GNAQ: variants seen among roughly 807,000 people sequenced by gnomAD.
GNAQ encodes guanine nucleotide-binding protein G(q) subunit alpha.
Under a neutral mutation model 43.9 loss-of-function variants are expected in GNAQ, and 8 were observed. The ratio of observed to expected loss-of-function variants is 0.18; its 90% CI spans 0.11 to 0.33. GNAQ has a LOEUF of 0.33. Among genes scored for constraint, GNAQ ranks in the 10% least tolerant of loss-of-function variants. The pLI is 1.00. For missense variants in GNAQ, 158 were observed against 450.8 expected (o/e 0.35, Z 5.88); for synonymous variants, 155 against 170.7 (o/e 0.91, Z 0.71).
intron 6 of GNAQ, among the ~76,000 whole-genome samples, chr9:77,725,879 A>G (rs190653281): frequency 6.6e-6 from 1 of 152,302 alleles, no homozygotes; most frequent in East Asian, 1.9e-4. Context: ...ACCATGCTCT[A>G]TCTGTTCTGC....
At position 77,720,524 on chromosome 9, in the gene GNAQ, A is replaced by C. The variant is rs1825294501; in HGVS notation, c.*799T>G. The C allele has an allele frequency of 4.3e-6, 1 of 233,404 alleles. No individual in the cohort carries two copies. The highest frequency in any genetic ancestry group is 8.5e-6 in the Non-Finnish European group (1 of 117,960). 14.5% of individuals were successfully genotyped at this position (233,404 alleles called of 1,614,324 possible). A position where few individuals can be genotyped will look rare whatever the true frequency, so the allele number is the denominator to read the frequency against. ...AATTGAAAGAGAGGGTAAGAAAAAGAAGCAAAGAAGGGAGGAAAGACAATG... is the reference window on the plus strand; with the variant it reads ...AATTGAAAGAGAGGGTAAGAAAAAGCAGCAAAGAAGGGAGGAAAGACAATG... On this transcript the variant is annotated 3_prime_UTR_variant, in exon 7 of 7. Transcript: ENST00000286548.
chr9:77,996,705 A>G (rs1160316781), intron 1 of GNAQ, among the ~76,000 whole-genome samples: 1 of 150,782 alleles, frequency 6.6e-6, no homozygotes, highest in African/African-American at 2.4e-5. Context: ...AAGAAAAAAG[A>G]AAAAAAGAAA....
chr9:77,840,914 C>A (rs966639283), intron 2 of GNAQ, among the ~76,000 whole-genome samples: 3 of 151,984 alleles, frequency 2.0e-5, no homozygotes, highest in African/African-American at 7.3e-5. Context: ...ATGAAAGGGA[C>A]ACAGGTAGGG....
intron 2 of GNAQ, among the ~76,000 whole-genome samples, chr9:77,919,968 G>A (rs1041616253): frequency 6.6e-5 from 10 of 151,934 alleles, no homozygotes; most frequent in African/African-American, 2.2e-4. Flanking sequence ...GTGAAACCCC[G>A]TCTCTACTAA....
Position 78,031,786 on chromosome 9 carries a change from AC to A in GNAQ, c.-552del, listed in dbSNP as rs1824066787. Among the ~76,000 whole-genome samples the A allele has an allele frequency of 6.9e-6, 1 of 144,102 alleles. No individual in the cohort carries two copies. 94.5% of individuals were successfully genotyped at this position (144,102 alleles called of 152,430 possible). On this transcript the variant is annotated 5_prime_UTR_variant, in exon 1 of 7. Transcript: ENST00000286548. ...CGCCCACCGCCCGGCTCGCGCGCAG[AC>A]CCGGTTCCCGTCCCGCCCGGCAACC...
rs148830384 is a variant in GNAQ at position 78,008,701 on chromosome 9, C to A, written c.136+22399G>T. Among the ~76,000 whole-genome samples, 113 of 152,286 alleles carry A rather than the reference C, an allele frequency of 7.4e-4. 2 individuals carry two copies. The highest frequency in any genetic ancestry group is 2.3e-3 in the African/African-American group (94 of 41,556). The stretch of plus-strand genomic sequence containing the variant: ...TAGCATGATCTCAGCTCACCACAAC[C>A]TCCGCCTCCTGGGTTCAAGCGATTC... On this transcript the variant is annotated intron_variant, in intron 1 of 6. Transcript: ENST00000286548.
chr9:77,874,091 C>A lies in GNAQ; in HGVS notation c.321+48070G>T, dbSNP rs1459481183. Reference sequence around the variant, plus strand: ...TTGCACTCCACCTGGGCAACAAGAGCGAAACTCCATCTCAAAAAAAAAAAA... The same window carrying A: ...TTGCACTCCACCTGGGCAACAAGAGAGAAACTCCATCTCAAAAAAAAAAAA... On this transcript the variant is annotated intron_variant, in intron 2 of 6. Transcript: ENST00000286548. Among the ~76,000 whole-genome samples the A allele has an allele frequency of 5.7e-5, 8 of 139,318 alleles. No individual in the cohort carries two copies. In the East Asian group the frequency reaches 6.2e-4, roughly 11 times the overall value. The allele number at this position is 139,318 out of a possible 152,430, so 91.4% of individuals were successfully genotyped here. A position where few individuals can be genotyped will look rare whatever the true frequency, so the allele number is the denominator to read the frequency against.
chr9:77,809,827 C>T (rs1263144016), intron 3 of GNAQ, among the ~76,000 whole-genome samples: 1 of 152,034 alleles, frequency 6.6e-6, no homozygotes, highest in Admixed American at 6.6e-5. Flanking sequence ...CTTACTGGTT[C>T]CAGTAAAAAG....
rs148391001 is a variant in GNAQ at position 78,030,112 on chromosome 9, T to G, written c.136+988A>C. Among the ~76,000 whole-genome samples the G allele has an allele frequency of 3.3e-5, 5 of 152,370 alleles. No homozygotes were observed. The East Asian group carries it at 9.6e-4, about 29-fold the overall frequency. ...AAATTTTTCCTGTATGCTTCCCGTT[T>G]TTCCTTCTCGCCCAGATTCCAAAGA... On this transcript the variant is annotated intron_variant, in intron 1 of 6. Transcript: ENST00000286548.
At chr9:77,770,550 C>T (rs765555177) in intron 5 of GNAQ, among the ~76,000 whole-genome samples, 6 of 152,220 alleles carry the variant, frequency 3.9e-5, no homozygotes, top group Non-Finnish European at 7.3e-5. Flanking sequence ...TACTGTCTTT[C>T]CCTTCGGAAG....
chr9:77,943,318 C>A (rs1829340279), intron 1 of GNAQ, among the ~76,000 whole-genome samples: 1 of 152,188 alleles, frequency 6.6e-6, no homozygotes, highest in South Asian at 2.1e-4. Flanking sequence ...ATATTAACTA[C>A]AGTATATACT....
intron 2 of GNAQ, among the ~76,000 whole-genome samples, chr9:77,864,253 C>A (rs1827912356): frequency 6.6e-6 from 1 of 151,526 alleles, no homozygotes; most frequent in African/African-American, 2.4e-5. Flanking sequence ...GGAAACCAAG[C>A]CATTCATAAG....
intron 2 of GNAQ, among the ~76,000 whole-genome samples, chr9:77,847,780 G>C (rs962059294): frequency 1.3e-5 from 2 of 152,198 alleles, no homozygotes; most frequent in Non-Finnish European, 2.9e-5. Context: ...GACATGTGGT[G>C]GAGATCAACC....
intron 1 of GNAQ, among the ~76,000 whole-genome samples, chr9:77,968,148 T>TA (rs1476302141): frequency 6.6e-6 from 1 of 152,210 alleles, no homozygotes; most frequent in South Asian, 2.1e-4. Flanking sequence ...TAAGTATACT[T>TA]AAAAAAACCA....
chr9:77,984,838 G>T (rs529548338), intron 1 of GNAQ, among the ~76,000 whole-genome samples: 9 of 152,224 alleles, frequency 5.9e-5, no homozygotes, highest in African/African-American at 2.2e-4. Context: ...AAGGGACCAG[G>T]CTCCCGAGTG....
intron 3 of GNAQ, among the ~76,000 whole-genome samples, chr9:77,798,412 A>G (rs1826692135): frequency 6.6e-6 from 1 of 152,196 alleles, no homozygotes; most frequent in Non-Finnish European, 1.5e-5. Context: ...CCCAAACAAT[A>G]ACATCTTACA....
At chr9:77,800,595 A>G (rs991223028) in intron 3 of GNAQ, among the ~76,000 whole-genome samples, 2 of 152,228 alleles carry the variant, frequency 1.3e-5, no homozygotes, top group Non-Finnish European at 2.9e-5. Flanking sequence ...TAGCATTGGG[A>G]GATACACCTA....
chr9:77,830,306 G>A (rs773931303), intron 2 of GNAQ, among the ~76,000 whole-genome samples: 2 of 152,120 alleles, frequency 1.3e-5, no homozygotes, highest in African/African-American at 4.8e-5. Flanking sequence ...AGAGACCTTG[G>A]TATCTGAAGT....
At chr9:77,786,022 A>C (rs1041851437) in intron 5 of GNAQ, among the ~76,000 whole-genome samples, 1 of 152,186 alleles carries the variant, frequency 6.6e-6, no homozygotes, top group East Asian at 1.9e-4. Flanking sequence ...AGACTCGTGC[A>C]TATAATAAAA....
Sources: gnomAD v4.1 joint callset for allele counts (sites outside exome capture counted in the v4.1 genomes callset) on GRCh38, gnomAD v4.1.1 for gene constraint, MANE v1.5 for transcripts, NCBI Gene and HGNC (gene_info 2026-07-23, HGNC 2026-07-21) for gene names.